MYRIP: variants seen among roughly 807,000 people sequenced by gnomAD.
MYRIP encodes rab effector MyRIP.
A neutral mutation model predicts 98.0 loss-of-function variants in MYRIP; 49 were observed. That is an observed-to-expected ratio of 0.50 (90% CI 0.40 to 0.63). The LOEUF (loss-of-function observed/expected upper bound fraction) is 0.63. Among genes scored for constraint, MYRIP ranks in the 30% least tolerant of loss-of-function variants. The pLI, the probability that MYRIP is intolerant of heterozygous loss-of-function variation, is 0.00. For synonymous variants in MYRIP, 404 were observed against 409.5 expected (o/e 0.99, Z 0.16); for missense variants, 1,004 against 1,058.2 (o/e 0.95, Z 0.71).
chr3:40,062,244 C>T (rs1948034007), intron 3 of MYRIP, among the ~76,000 whole-genome samples: 1 of 152,130 alleles, frequency 6.6e-6, no homozygotes, highest in Non-Finnish European at 1.5e-5. Flanking sequence ...ACATTTAACT[C>T]TTTAATCTAT....
At chr3:40,071,655 T>G (rs72871493) in intron 3 of MYRIP, among the ~76,000 whole-genome samples, 2,475 of 152,146 alleles carry the variant, frequency 0.016, 68 homozygotes, top group African/African-American at 0.055. Flanking sequence ...TTCCCAGTAT[T>G]TTCAGAGGTT....
intron 3 of MYRIP, among the ~76,000 whole-genome samples, chr3:40,065,798 C>G (rs187012336): frequency 1.3e-5 from 2 of 152,230 alleles, no homozygotes; most frequent in Non-Finnish European, 2.9e-5. Flanking sequence ...TCTACCATGT[C>G]CTGAAGGGCA....
intron 3 of MYRIP, among the ~76,000 whole-genome samples, chr3:40,084,342 A>AGATG (rs1948558902): frequency 1.3e-5 from 2 of 148,910 alleles, no homozygotes; most frequent in Non-Finnish European, 3.0e-5. Flanking sequence ...ATACACATCT[A>AGATG]TGTATTATAT....
chr3:40,183,196 A>G (rs2125618974), intron 9 of MYRIP, among the ~76,000 whole-genome samples: 1 of 152,270 alleles, frequency 6.6e-6, no homozygotes, highest in South Asian at 2.1e-4. Context: ...CCCCACCTCA[A>G]TGCAGGCCCG....
At chr3:40,168,340 C>T (rs1474430324) in intron 7 of MYRIP, among the ~76,000 whole-genome samples, 2 of 152,196 alleles carry the variant, frequency 1.3e-5, no homozygotes, top group Admixed American at 1.3e-4. Flanking sequence ...ATACACCTAA[C>T]CTACTCTTAA....
chr3:40,189,857 G>T lies in MYRIP; in HGVS notation c.1059G>T (p.Gly353=), dbSNP rs769665003. The change falls in exon 10 of 17, where the codon GGG becomes GGT. Residue 353 remains glycine, a synonymous_variant. Transcript: ENST00000302541. The part of the protein sequence containing the change: ...NLAPVLQSPD[G]NWVALKDGAP... ...CCCCAGTTTTGCAGAGCCCCGACGG[G>T]AACTGGGTGGCCCTGAAGGATGGCG... 6.2e-7 allele frequency: 1 copy of T among 1,613,744 alleles called. No homozygotes were observed. Among genetic ancestry groups the T allele is most frequent in the Admixed American group, 1.7e-5 (1 of 59,988 alleles).
At chr3:39,941,358 A>T (rs1294160110) in intron 2 of MYRIP, among the ~76,000 whole-genome samples, 1 of 152,012 alleles carries the variant, frequency 6.6e-6, no homozygotes, top group African/African-American at 2.4e-5. Flanking sequence ...TTCATGAAAG[A>T]GCCACCTCCA....
At chr3:40,167,338 C>A (rs1386661339) in intron 7 of MYRIP, 99 bp downstream of exon 7, 4 of 1,079,964 alleles carry the variant, frequency 3.7e-6, no homozygotes, top group South Asian at 1.4e-5. Flanking sequence ...GTGTCTCTAG[C>A]ACTGTATCTT....
At chr3:40,087,507 C>T (rs925726568) in intron 3 of MYRIP, among the ~76,000 whole-genome samples, 4 of 151,956 alleles carry the variant, frequency 2.6e-5, no homozygotes, top group African/African-American at 9.7e-5. Flanking sequence ...AGTTCTATTA[C>T]AGAGGGCATT....
At chr3:40,091,050 G>A (rs1948728476) in intron 3 of MYRIP, among the ~76,000 whole-genome samples, 1 of 152,216 alleles carries the variant, frequency 6.6e-6, no homozygotes, top group Non-Finnish European at 1.5e-5. Flanking sequence ...GCCCTCAGCA[G>A]GAAGCAGCCC....
intron 2 of MYRIP, among the ~76,000 whole-genome samples, chr3:39,956,623 A>G (rs1340758406): frequency 2.0e-5 from 3 of 152,190 alleles, no homozygotes; most frequent in Non-Finnish European, 2.9e-5. Flanking sequence ...AAAGAACTAG[A>G]GAAGCAAGAG....
intron 2 of MYRIP, among the ~76,000 whole-genome samples, chr3:39,990,673 A>C (rs904877561): frequency 2.6e-5 from 4 of 152,176 alleles, no homozygotes; most frequent in African/African-American, 9.7e-5. Flanking sequence ...CTTGTTATTC[A>C]TTCTGATTGT....
chr3:39,851,462 C>CA (rs143215510), intron 1 of MYRIP, among the ~76,000 whole-genome samples: 4,813 of 152,218 alleles, frequency 0.032, 249 homozygotes, highest in African/African-American at 0.11. Flanking sequence ...ATTCTAGCCA[C>CA]TTTTTTCCTC....
At chr3:40,028,327 G>A in intron 2 of MYRIP, among the ~76,000 whole-genome samples, 1 of 152,154 alleles carries the variant, frequency 6.6e-6, no homozygotes, top group East Asian at 1.9e-4. Context: ...TTAGGGAAAT[G>A]CAAATAAAAG....
intron 3 of MYRIP, among the ~76,000 whole-genome samples, chr3:40,088,697 TCTGTGGCTGGAGC>T (rs368000276): frequency 2.0e-5 from 3 of 152,326 alleles, no homozygotes; most frequent in South Asian, 2.1e-4. Context: ...AGAGCCCATC[TCTGTGGCTGGAGC>T]CTGTGGCTGG....
intron 2 of MYRIP, among the ~76,000 whole-genome samples, chr3:39,941,828 A>G (rs935798047): frequency 6.6e-6 from 1 of 152,032 alleles, no homozygotes; most frequent in Non-Finnish European, 1.5e-5. Context: ...ATCTTCTCCA[A>G]TTGGTTTTTC....
chr3:39,869,414 T>A (rs1161587249), intron 1 of MYRIP, among the ~76,000 whole-genome samples: 1 of 152,336 alleles, frequency 6.6e-6, no homozygotes, highest in South Asian at 2.1e-4. Flanking sequence ...TTTTTTTTCA[T>A]AATTTCTATC....
chr3:40,070,084 C>G (rs554395458), intron 3 of MYRIP, among the ~76,000 whole-genome samples: 12 of 152,280 alleles, frequency 7.9e-5, no homozygotes, highest in African/African-American at 2.6e-4. Context: ...GTGAATGACA[C>G]AATTTCAGAC....
At chr3:39,892,943 A>G (rs191690855) in intron 1 of MYRIP, among the ~76,000 whole-genome samples, 2 of 152,298 alleles carry the variant, frequency 1.3e-5, no homozygotes, top group East Asian at 3.9e-4. Context: ...ACCTGGCAAA[A>G]CTTTAAAGGG....
Sources: gnomAD v4.1 joint callset for allele counts (sites outside exome capture counted in the v4.1 genomes callset) on GRCh38, gnomAD v4.1.1 for gene constraint, MANE v1.5 for transcripts, NCBI Gene and HGNC (gene_info 2026-07-23, HGNC 2026-07-21) for gene names.